The following LIN7A variants were observed in gnomAD, a reference collection of about 807,000 sequenced individuals.
LIN7A encodes the protein protein lin-7 homolog A.
LIN7A carries 25 observed loss-of-function variants against 29.8 expected under a neutral mutation model. That is an observed-to-expected ratio of 0.84 (90% CI 0.61 to 1.17). The LOEUF (loss-of-function observed/expected upper bound fraction) is 1.17, where lower values mean the gene tolerates loss of function less well. LIN7A is among the 50% of genes most tolerant of loss of function. LIN7A has a pLI of 0.00. For missense variants in LIN7A, 239 were observed against 287.0 expected, an observed-to-expected ratio of 0.83 and a Z score of 1.21; for synonymous variants, 118 against 107.5, an observed-to-expected ratio of 1.10 and a Z score of -0.60.
chr12:80,824,969 A>G (rs1345011571), intron 4 of LIN7A, among the ~76,000 whole-genome samples: 1 of 152,196 alleles, frequency 6.6e-6, no homozygotes, highest in Non-Finnish European at 1.5e-5. Flanking sequence ...AAGGATGCCC[A>G]CTTTCAGCAC....
chr12:80,805,819 G>A (rs1870949245), intron 5 of LIN7A, among the ~76,000 whole-genome samples: 1 of 151,892 alleles, frequency 6.6e-6, no homozygotes. Flanking sequence ...TTCCTGTGCT[G>A]TTCTTGTGAT....
intron 2 of LIN7A, among the ~76,000 whole-genome samples, chr12:80,879,208 G>A (rs1054003930): frequency 1.3e-5 from 2 of 151,908 alleles, no homozygotes; most frequent in Non-Finnish European, 2.9e-5. Context: ...ACTACCTAGT[G>A]GAGCAGTGTT....
chr12:80,864,549 C>T (rs1203791030), intron 2 of LIN7A, among the ~76,000 whole-genome samples: 1 of 152,132 alleles, frequency 6.6e-6, no homozygotes, highest in East Asian at 1.9e-4. Flanking sequence ...ATTATCACTA[C>T]TGTCAGAAAA....
intron 4 of LIN7A, among the ~76,000 whole-genome samples, chr12:80,830,633 AT>A (rs899836924): frequency 6.7e-4 from 102 of 152,200 alleles, no homozygotes; most frequent in African/African-American, 2.4e-3. Context: ...TTAAAAGTTG[AT>A]TTTTTTTAAT....
At chr12:80,842,724 T>C (rs930043318) in intron 4 of LIN7A, among the ~76,000 whole-genome samples, 2 of 152,090 alleles carry the variant, frequency 1.3e-5, no homozygotes, top group African/African-American at 4.8e-5. Context: ...AGTTCTAGAA[T>C]TGGATTAACT....
intron 4 of LIN7A, among the ~76,000 whole-genome samples, chr12:80,815,609 G>A (rs2121514489): frequency 1.3e-5 from 2 of 152,334 alleles, no homozygotes; most frequent in African/African-American, 4.8e-5. Flanking sequence ...ACCAGTGTAA[G>A]TTTGAGCAAT....
In LIN7A at chr12:80,841,215, C is replaced by T. The variant is rs1311196738; in HGVS notation, c.483+4515G>A. The stretch of plus-strand genomic sequence containing the variant: ...GCACAATAGGGTGTGAGCTTAAGCC[C>T]AGGAGGCAGAGGTTGCAGTGAGCTG... On this transcript the variant is annotated intron_variant, in intron 4 of 5. Transcript: ENST00000552864. Among the ~76,000 whole-genome samples the T allele has an allele frequency of 3.3e-5, 5 of 151,912 alleles. No individual in the cohort carries two copies. The East Asian group carries it at 7.8e-4, about 24-fold the overall frequency.
chr12:80,863,235 T>C (rs1873963268), intron 2 of LIN7A, among the ~76,000 whole-genome samples: 1 of 152,256 alleles, frequency 6.6e-6, no homozygotes, highest in African/African-American at 2.4e-5. Flanking sequence ...GTTCATTATT[T>C]CAACGACTGA....
rs961908847 is a variant in LIN7A, at chr12:80,893,289, C to T, written c.83-3920G>A. Among the ~76,000 whole-genome samples the T allele has an allele frequency of 8.1e-4, 123 of 152,172 alleles. 1 individual carries two copies. Among genetic ancestry groups the T allele is most frequent in the African/African-American group, 2.9e-3 (121 of 41,424 alleles). ...CTAAGGCGGTCGTTAGCAAAGGCTG[C>T]TCATTGGAATCACCCGTGAAATTTT... is the stretch of plus-strand genomic sequence containing the variant. On this transcript the variant is annotated intron_variant, in intron 1 of 5. Transcript: ENST00000552864.
intron 4 of LIN7A, among the ~76,000 whole-genome samples, chr12:80,840,456 T>G (rs554382761): frequency 6.6e-6 from 1 of 152,274 alleles, no homozygotes; most frequent in Non-Finnish European, 1.5e-5. Context: ...TTTGTGTGTA[T>G]CCATTGGGTT....
intron 4 of LIN7A, among the ~76,000 whole-genome samples, chr12:80,839,609 C>T (rs1048132601): frequency 6.6e-6 from 1 of 152,160 alleles, no homozygotes; most frequent in Non-Finnish European, 1.5e-5. Context: ...TTTATGTTTT[C>T]TCTTTGTTCC....
chr12:80,805,366 G>C (rs961032369), intron 5 of LIN7A, among the ~76,000 whole-genome samples: 12 of 152,150 alleles, frequency 7.9e-5, no homozygotes, highest in Non-Finnish European at 1.5e-5. Flanking sequence ...AGAAGGTAGA[G>C]AAGGGTTTTA....
chr12:80,862,425 G>A (rs925644655), intron 2 of LIN7A, among the ~76,000 whole-genome samples: 2 of 152,158 alleles, frequency 1.3e-5, no homozygotes, highest in African/African-American at 4.8e-5. Context: ...TGTTTCTAGA[G>A]AAAATACATG....
intron 2 of LIN7A, among the ~76,000 whole-genome samples, chr12:80,879,645 CA>C (rs530877505): frequency 0.024 from 1,427 of 58,630 alleles, 8 homozygotes; most frequent in African/African-American, 0.11. Flanking sequence ...TGGAGCAGCC[CA>C]AAAAAAAAAA....
chr12:80,921,903 G>C (rs1401644780), intron 1 of LIN7A, among the ~76,000 whole-genome samples: 1 of 152,174 alleles, frequency 6.6e-6, no homozygotes, highest in African/African-American at 2.4e-5. Context: ...AGCTAAGTAG[G>C]ATAGGTCTGA....
Position 80,845,925 on chromosome 12 carries a change from A to G in LIN7A, c.288T>C (p.Ala96=). 1 of 1,593,742 alleles carries G rather than the reference A, an allele frequency of 6.3e-7. No individual in the cohort carries two copies. Among genetic ancestry groups the G allele is most frequent in the Non-Finnish European group, 8.5e-7 (1 of 1,173,518 alleles). ...ARATAKATVA[A]FAASEGHSHP... ...GGGAGTGGCCTTCACTAGCTGCAAA[A>G]GCTGCAACTGTTGCCTGAAAAAAAA... The change falls in exon 4 of 6, where the codon GCT becomes GCC. Residue 96 remains alanine, a synonymous_variant. Transcript: ENST00000552864.
chr12:80,874,161 G>A (rs78578905), intron 2 of LIN7A, among the ~76,000 whole-genome samples: 22 of 152,208 alleles, frequency 1.4e-4, no homozygotes, highest in Non-Finnish European at 2.2e-4. Flanking sequence ...GAAAAACAAG[G>A]TAGTTTGGGA....
At chr12:80,904,856 A>T (rs1395076186) in intron 1 of LIN7A, among the ~76,000 whole-genome samples, 1 of 152,154 alleles carries the variant, frequency 6.6e-6, no homozygotes, top group Non-Finnish European at 1.5e-5. Context: ...TTTATGCAAT[A>T]TTTTTAATAG....
chr12:80,926,491 T>C (rs1877587880), intron 1 of LIN7A, among the ~76,000 whole-genome samples: 1 of 152,216 alleles, frequency 6.6e-6, no homozygotes, highest in South Asian at 2.1e-4. Context: ...CCTTAGCAAA[T>C]TCACTAATAT....
Sources: gnomAD v4.1 joint callset for allele counts (sites outside exome capture counted in the v4.1 genomes callset) on GRCh38, gnomAD v4.1.1 for gene constraint, MANE v1.5 for transcripts, NCBI Gene and HGNC (gene_info 2026-07-23, HGNC 2026-07-21) for gene names.